ASXL2: variants seen among roughly 807,000 people sequenced by gnomAD.
The protein encoded by ASXL2 is putative Polycomb group protein ASXL2.
Under a neutral mutation model 122.0 loss-of-function variants are expected in ASXL2, and 23 were observed. The observed-to-expected ratio is 0.19, with a 90% CI of 0.14 to 0.27. The LOEUF (loss-of-function observed/expected upper bound fraction) is 0.27, where lower values mean the gene tolerates loss of function less well. ASXL2 is among the 10% of genes least tolerant of loss of function. The pLI is 1.00. For synonymous variants in ASXL2, 650 were observed against 637.0 expected (o/e 1.02, Z -0.31); for missense variants, 1,518 against 1,713.8 (o/e 0.89, Z 2.02).
intron 12 of ASXL2, among the ~76,000 whole-genome samples, chr2:25,745,879 C>T (rs1461477224): frequency 6.6e-6 from 1 of 151,974 alleles, no homozygotes; most frequent in Non-Finnish European, 1.5e-5. Flanking sequence ...CTCCTGACTT[C>T]AAGTGATCCA....
At chr2:25,828,101 A>G (rs550722320) in intron 3 of ASXL2, among the ~76,000 whole-genome samples, 1 of 152,336 alleles carries the variant, frequency 6.6e-6, no homozygotes, top group African/African-American at 2.4e-5. Context: ...ATGAAATAAC[A>G]AGGTTCAATA....
At chr2:25,797,999 G>C (rs2088935477) in intron 5 of ASXL2, among the ~76,000 whole-genome samples, 1 of 152,190 alleles carries the variant, frequency 6.6e-6, no homozygotes, top group African/African-American at 2.4e-5. Flanking sequence ...TCCTTCAGTA[G>C]GTGAATGTAT....
In ASXL2 at chr2:25,737,407, T is replaced by C. The variant is rs2087754709; in HGVS notation, c.*4622A>G. 6.6e-6 allele frequency: 1 copy of C among 152,068 alleles called. No individual in the cohort carries two copies. Among genetic ancestry groups the C allele is most frequent in the South Asian group, 2.1e-4 (1 of 4,818 alleles). The allele number at this position is 152,068 out of a possible 1,614,324, so 9.4% of individuals were successfully genotyped here. ...ACATTAATAAAGAGGCTGCACCGCA[T>C]TTCTTCACTTTTCCAGTAATGTTAG... On this transcript the variant is annotated 3_prime_UTR_variant, in exon 13 of 13. Coordinates refer to ENST00000435504, the MANE Select transcript of ASXL2 (RefSeq NM_018263.6).
rs1027956062 is a variant in ASXL2, at chr2:25,744,596, T to C, written c.1861-120A>G. On this transcript the variant is annotated intron_variant, in intron 12 of 12. Coordinates refer to ENST00000435504, the MANE Select transcript of ASXL2 (RefSeq NM_018263.6). The surrounding 1 kb of genome is among the most constrained non-coding windows in gnomAD (Gnocchi z 4.7). ...AACACTACAGTACCTGTGACAAACA[T>C]GGGTGGTCTATGGCCGAGAGGCCAA... 8.0e-5 allele frequency: 95 copies of C among 1,188,658 alleles called. No individual in the cohort carries two copies. The highest frequency in any genetic ancestry group is 1.0e-4 in the Non-Finnish European group (91 of 873,154). 73.6% of individuals were successfully genotyped at this position (1,188,658 alleles called of 1,614,324 possible). A position where few individuals can be genotyped will look rare whatever the true frequency, so the allele number is the denominator to read the frequency against.
intron 3 of ASXL2, among the ~76,000 whole-genome samples, chr2:25,811,207 C>T (rs1339639226): frequency 1.3e-5 from 2 of 151,868 alleles, no homozygotes; most frequent in African/African-American, 2.4e-5. Flanking sequence ...GAGCCATGAT[C>T]ACACCACTGC....
intron 3 of ASXL2, chr2:25,810,660 G>A: frequency 2.6e-6 from 2 of 767,480 alleles, no homozygotes; most frequent in Non-Finnish European, 4.5e-6. Context: ...CAGCCATGGT[G>A]CCCACCCAGC....
intron 3 of ASXL2, among the ~76,000 whole-genome samples, chr2:25,813,265 T>C (rs1288045832): frequency 1.3e-5 from 2 of 152,182 alleles, no homozygotes. Context: ...ACCAGTGCTA[T>C]TAATATAAAC....
At chr2:25,843,312 A>C (rs2089609811) in intron 2 of ASXL2, among the ~76,000 whole-genome samples, 1 of 150,788 alleles carries the variant, frequency 6.6e-6, no homozygotes, top group Non-Finnish European at 1.5e-5. Context: ...AAAAAAAAAA[A>C]AAAAAAAATA....
At chr2:25,853,711 A>G (rs2089744957) in intron 1 of ASXL2, among the ~76,000 whole-genome samples, 1 of 151,910 alleles carries the variant, frequency 6.6e-6, no homozygotes, top group Non-Finnish European at 1.5e-5. Flanking sequence ...GTACATGATC[A>G]TAGCTCACTG....
intron 5 of ASXL2, among the ~76,000 whole-genome samples, chr2:25,784,073 A>G (rs949247644): frequency 8.0e-5 from 12 of 149,370 alleles, no homozygotes; most frequent in Non-Finnish European, 1.5e-4. Flanking sequence ...AAATAAATAA[A>G]TAAATAAATA....
At chr2:25,759,741 T>A in intron 8 of ASXL2, 96 bp from the exon 9 acceptor site, 1 of 1,277,768 alleles carries the variant, frequency 7.8e-7, no homozygotes, top group Non-Finnish European at 1.1e-6. Flanking sequence ...TCCACAATTG[T>A]AAGCATTTAA....
chr2:25,818,071 T>G (rs530576847), intron 3 of ASXL2, among the ~76,000 whole-genome samples: 1 of 152,276 alleles, frequency 6.6e-6, no homozygotes, highest in Non-Finnish European at 1.5e-5. Flanking sequence ...TGATGGTAAC[T>G]TGAAAGTCTG....
intron 1 of ASXL2, among the ~76,000 whole-genome samples, chr2:25,846,084 CCT>C (rs1036921979): frequency 6.8e-4 from 103 of 152,276 alleles, no homozygotes; most frequent in African/African-American, 2.4e-3. Context: ...TGGTAGCTCC[CCT>C]GAGCCTGGAC....
At chr2:25,815,028 C>T (rs1559519123) in intron 3 of ASXL2, among the ~76,000 whole-genome samples, 1 of 152,186 alleles carries the variant, frequency 6.6e-6, no homozygotes, top group African/African-American at 2.4e-5. Flanking sequence ...TCAGTAACTA[C>T]AGCAGTTACT....
chr2:25,751,270 TC>T (rs145650392), intron 11 of ASXL2, among the ~76,000 whole-genome samples: 2 of 152,280 alleles, frequency 1.3e-5, no homozygotes, highest in Non-Finnish European at 2.9e-5. Flanking sequence ...AAACAGTCTT[TC>T]TATAAAAGCT....
intron 5 of ASXL2, among the ~76,000 whole-genome samples, chr2:25,776,489 A>G (rs2088548359): frequency 6.6e-6 from 1 of 152,122 alleles, no homozygotes; most frequent in Admixed American, 6.5e-5. Flanking sequence ...TGTTTTATGT[A>G]TGTGCTTTTA....
chr2:25,833,266 A>G (rs1470048026), intron 3 of ASXL2, among the ~76,000 whole-genome samples: 3 of 152,164 alleles, frequency 2.0e-5, no homozygotes, highest in African/African-American at 7.2e-5. Context: ...CCATTAGGAG[A>G]ATCTGCATAA....
chr2:25,875,891 A>G (rs527586227), intron 1 of ASXL2, among the ~76,000 whole-genome samples: 2 of 152,304 alleles, frequency 1.3e-5, no homozygotes, highest in African/African-American at 4.8e-5. Flanking sequence ...TTGTCAACTC[A>G]CTAATTTTCT....
rs1353861457 is a variant in ASXL2 at position 25,739,703 on chromosome 2, A to G, written c.*2326T>C. The G allele has an allele frequency of 4.8e-6, 1 of 207,376 alleles. No individual in the cohort carries two copies. The highest frequency in any genetic ancestry group is 2.3e-5 in the African/African-American group (1 of 43,890). 12.8% of individuals were successfully genotyped at this position (207,376 alleles called of 1,614,324 possible). A position where few individuals can be genotyped will look rare whatever the true frequency, so the allele number is the denominator to read the frequency against. On this transcript the variant is annotated 3_prime_UTR_variant, in exon 13 of 13. Transcript: ENST00000435504. ...CTCTAAACGGACTTAAAAATCCCTG[A>G]TACCTTTCCTCCTTTCCTAGTTATA...
Sources: allele counts gnomAD v4.1 joint callset (sites outside exome capture counted in the v4.1 genomes callset), GRCh38; gene constraint gnomAD v4.1.1; non-coding constraint Gnocchi (gnomAD v3.1); transcripts MANE v1.5; gene names NCBI Gene and HGNC (gene_info 2026-07-23, HGNC 2026-07-21).